KCNMA1: variants seen among roughly 807,000 people sequenced by gnomAD.
KCNMA1 encodes Calcium-activated potassium channel subunit alpha-1.
Under a neutral mutation model 140.0 loss-of-function variants are expected in KCNMA1, and 29 were observed. That is an observed-to-expected ratio of 0.21 (90% CI 0.15 to 0.28). The LOEUF (loss-of-function observed/expected upper bound fraction) is 0.28, where lower values mean the gene tolerates loss of function less well. KCNMA1 is among the 10% of genes least tolerant of loss of function. KCNMA1 has a pLI of 1.00. For missense variants in KCNMA1, 880 were observed against 1,602.2 expected, an observed-to-expected ratio of 0.55 and a Z score of 7.70; for synonymous variants, 612 against 611.9, an observed-to-expected ratio of 1.00 and a Z score of 0.00.
At chr10:77,083,494 T>C (rs2096625310) in intron 12 of KCNMA1, among the ~76,000 whole-genome samples, 1 of 132,712 alleles carries the variant, frequency 7.5e-6, no homozygotes, top group Non-Finnish European at 1.6e-5. Flanking sequence ...CTCCCCTAGA[T>C]GTTCTGTAAA....
intron 2 of KCNMA1, among the ~76,000 whole-genome samples, chr10:77,402,752 G>T (rs1191963164): frequency 6.6e-6 from 1 of 152,158 alleles, no homozygotes; most frequent in Non-Finnish European, 1.5e-5. Context: ...GATAATGACT[G>T]TTTTCCAGTG....
chr10:77,021,743 G>A (rs2092881793), intron 16 of KCNMA1, among the ~76,000 whole-genome samples: 1 of 152,146 alleles, frequency 6.6e-6, no homozygotes, highest in Admixed American at 6.5e-5. Context: ...GGGTGAGGGG[G>A]TTTAAATCAT....
At chr10:77,446,983 A>G (rs192287003) in intron 1 of KCNMA1, among the ~76,000 whole-genome samples, 139 of 152,302 alleles carry the variant, frequency 9.1e-4, no homozygotes, top group South Asian at 6.4e-3. Context: ...CAAGCTCCTC[A>G]TCAAGCTCTG....
chr10:77,517,975 C>T (rs139710180), intron 1 of KCNMA1, among the ~76,000 whole-genome samples: 1 of 152,050 alleles, frequency 6.6e-6, no homozygotes, highest in Non-Finnish European at 1.5e-5. Flanking sequence ...GAAGAGGGGC[C>T]GTTAATCAGG....
chr10:77,019,097 A>G lies in KCNMA1; in HGVS notation c.1931T>C (p.Ile644Thr). The G allele has an allele frequency of 2.0e-6, 3 of 1,522,420 alleles. No homozygotes were observed. Among genetic ancestry groups the G allele is most frequent in the Non-Finnish European group, 2.7e-6 (3 of 1,096,902 alleles). 94.3% of individuals were successfully genotyped at this position (1,522,420 alleles called of 1,614,324 possible). The change falls in exon 17 of 28, where the codon ATA becomes ACA. Residue 644 changes from isoleucine to threonine, a missense_variant and splice_region_variant. Ile to Thr is a moderately conservative substitution (Grantham distance 89, BLOSUM62 -1). This residue lies in a region of KCNMA1 where 196 missense variants were observed against 233.0 expected (regional missense o/e 0.84). Transcript: ENST00000286628. ...AAGATGGTTTCCAGGATTAATTAAT[A>G]TACTGCTCAGTGAACAAAAACAAAC... ...EYKSANRESR[I>T]LINPGNHLKI...
chr10:77,469,107 C>T (rs973443815), intron 1 of KCNMA1, among the ~76,000 whole-genome samples: 2 of 152,178 alleles, frequency 1.3e-5, no homozygotes, highest in Non-Finnish European at 1.5e-5. Flanking sequence ...TTTGCTCTAG[C>T]CATGTACTTT....
intron 2 of KCNMA1, among the ~76,000 whole-genome samples, chr10:77,310,175 A>G (rs1173650941): frequency 6.6e-6 from 1 of 152,186 alleles, no homozygotes; most frequent in African/African-American, 2.4e-5. Context: ...GATAATTTAG[A>G]CAGCGTGCAC....
At chr10:77,154,249 G>A (rs1046373569) in intron 5 of KCNMA1, among the ~76,000 whole-genome samples, 1 of 151,950 alleles carries the variant, frequency 6.6e-6, no homozygotes, top group Admixed American at 6.6e-5. Flanking sequence ...CCAGGCATGC[G>A]GAACTGTGAG....
At chr10:76,951,959 T>G (rs2066426924) in intron 21 of KCNMA1, 2 of 1,320,582 alleles carry the variant, frequency 1.5e-6, no homozygotes, top group South Asian at 2.6e-5. Flanking sequence ...ACTAGAATGG[T>G]GTGTGGCACA....
chr10:77,105,722 T>C lies in KCNMA1; in HGVS notation c.1223+2759A>G, dbSNP rs1457291988. Among the ~76,000 whole-genome samples, 5 of 152,278 alleles carry C rather than the reference T, an allele frequency of 3.3e-5. No individual in the cohort carries two copies. The East Asian group carries it at 9.7e-4, about 29-fold the overall frequency. On this transcript the variant is annotated intron_variant, in intron 9 of 27. Coordinates refer to ENST00000286628, the MANE Select transcript of KCNMA1 (RefSeq NM_001161352.2). ...GTCTGAACTTTATCTTTCAACAAAG[T>C]TTAGCTGCTTTCCTTTTGCAAATGC... is the stretch of plus-strand genomic sequence containing the variant.
chr10:76,973,752 T>G (rs1466971696), intron 19 of KCNMA1, among the ~76,000 whole-genome samples: 1 of 152,154 alleles, frequency 6.6e-6, no homozygotes, highest in Non-Finnish European at 1.5e-5. Flanking sequence ...GATTACATAT[T>G]TCACTAGATT....
At chr10:77,143,156 G>A (rs577744873) in intron 5 of KCNMA1, among the ~76,000 whole-genome samples, 3 of 152,028 alleles carry the variant, frequency 2.0e-5, no homozygotes, top group Admixed American at 6.5e-5. Flanking sequence ...CATCAACATA[G>A]ACACAACAAT....
At chr10:77,067,107 T>C (rs1402780131) in intron 14 of KCNMA1, among the ~76,000 whole-genome samples, 1 of 152,238 alleles carries the variant, frequency 6.6e-6, no homozygotes, top group African/African-American at 2.4e-5. Context: ...GGTGTGTCTT[T>C]GAGGGTGGAG....
At chr10:77,532,149 G>C (rs978032000) in intron 1 of KCNMA1, among the ~76,000 whole-genome samples, 1 of 152,206 alleles carries the variant, frequency 6.6e-6, no homozygotes, top group Non-Finnish European at 1.5e-5. Context: ...AGCAACTGGG[G>C]GGAAAATGCA....
intron 2 of KCNMA1, among the ~76,000 whole-genome samples, chr10:77,389,039 G>A (rs2095715145): frequency 6.6e-6 from 1 of 152,212 alleles, no homozygotes; most frequent in African/African-American, 2.4e-5. Flanking sequence ...AGGCAAGGGG[G>A]AGTCTTTGCT....
chr10:77,633,823 A>T (rs2720004), intron 1 of KCNMA1, among the ~76,000 whole-genome samples: 118,066 of 152,148 alleles, frequency 0.78, 46,305 homozygotes, highest in African/African-American at 0.89. Flanking sequence ...CACAGCTCCA[A>T]CAGGAAGTTG....
chr10:77,494,736 G>A (rs1420891642), intron 1 of KCNMA1, among the ~76,000 whole-genome samples: 1 of 152,214 alleles, frequency 6.6e-6, no homozygotes. Flanking sequence ...CAAAAACTGA[G>A]TTGGATTAAA....
chr10:76,971,715 A>G (rs571964366), intron 19 of KCNMA1, among the ~76,000 whole-genome samples: 1 of 152,362 alleles, frequency 6.6e-6, no homozygotes, highest in South Asian at 2.1e-4. Context: ...GGCAGAGACT[A>G]TGTGGCTGGG....
chr10:77,173,714 C>G (rs747742336), intron 5 of KCNMA1, among the ~76,000 whole-genome samples: 2 of 152,094 alleles, frequency 1.3e-5, no homozygotes, highest in African/African-American at 2.4e-5. Flanking sequence ...AGACTACAGA[C>G]AGCAGTTTAC....
Sources: allele counts gnomAD v4.1 joint callset (sites outside exome capture counted in the v4.1 genomes callset), GRCh38; gene constraint gnomAD v4.1.1; regional missense constraint gnomAD v4.1.1; transcripts MANE v1.5; gene names NCBI Gene and HGNC (gene_info 2026-07-23, HGNC 2026-07-21).